The following TEX14 variants were observed in gnomAD, a reference collection of about 807,000 sequenced individuals.
The protein encoded by TEX14 is testis expressed 14, intercellular bridge forming factor.
TEX14 carries 168 observed loss-of-function variants against 178.6 expected under a neutral mutation model. The ratio of observed to expected loss-of-function variants is 0.94; its 90% CI spans 0.83 to 1.07. TEX14 has a LOEUF of 1.07. Ranked by LOEUF, TEX14 falls within the 50% of genes least tolerant of loss-of-function variation. The pLI is 0.00. For synonymous variants in TEX14, 626 were observed against 634.1 expected, an observed-to-expected ratio of 0.99 and a Z score of 0.19; for missense variants, 1,730 against 1,753.6, an observed-to-expected ratio of 0.99 and a Z score of 0.24.
chr17:58,640,644 T>TGTGTGTGTGTGTGTGA lies in TEX14; in HGVS notation c.137-10091_137-10090insTCACACACACACACAC, dbSNP rs1555577606. 5.4e-5 allele frequency among the ~76,000 whole-genome samples: 8 copies of TGTGTGTGTGTGTGTGA among 147,138 alleles called. 1 individual carries two copies. The highest frequency in any genetic ancestry group is 1.8e-4 in the African/African-American group (7 of 39,836). Reference sequence around the variant, plus strand: ...GTGTGTGTGTGTGTGTGTGTGTGTGTGAGAGAGAGAGAGAGAATGATAAAT... The same window carrying TGTGTGTGTGTGTGTGA: ...GTGTGTGTGTGTGTGTGTGTGTGTGTGTGTGTGTGTGTGTGAGAGAGAGAGAGAGAGAATGATAAAT... On this transcript the variant is annotated intron_variant, in intron 2 of 31. Transcript: ENST00000349033.
At chr17:58,597,270 GTGAC>G (rs2045309592) in intron 14 of TEX14, among the ~76,000 whole-genome samples, 1 of 151,856 alleles carries the variant, frequency 6.6e-6, no homozygotes, top group Non-Finnish European at 1.5e-5. Flanking sequence ...ATGGTGGCAC[GTGAC>G]TGTAGTCCCA....
chr17:58,557,965 G>A, intron 30 of TEX14, 115 bp from the exon 31 acceptor site: 1 of 706,306 alleles, frequency 1.4e-6, no homozygotes, highest in Non-Finnish European at 2.4e-6. Flanking sequence ...TACCTACAAT[G>A]GTTGTTATAT....
intron 18 of TEX14, among the ~76,000 whole-genome samples, 184 bp downstream of exon 18, chr17:58,585,617 T>G (rs1008752084): frequency 2.1e-5 from 3 of 143,314 alleles, no homozygotes; most frequent in East Asian, 2.0e-4. Flanking sequence ...AATGTTTTTT[T>G]TTTTTTTTTT....
At position 58,605,120 on chromosome 17, in the gene TEX14, T is replaced by C. The variant is rs539172361; in HGVS notation, c.1194A>G (p.Arg398=). ...CTCGAGTCAGGTCCCTCTGTACACC[T>C]CTGTCCTCGCTACGGAAGGAAACTC... is the stretch of plus-strand genomic sequence containing the variant. The part of the protein sequence containing the change: ...NLEYMLESED[R]GVQRDLTRVP... Residue 398 remains arginine (R), a synonymous_variant, in exon 11 of 32, where the codon AGA becomes AGG. Transcript: ENST00000349033. The C allele has an allele frequency of 1.7e-5, 28 of 1,613,902 alleles. No homozygotes were observed. Among genetic ancestry groups the C allele is most frequent in the Non-Finnish European group, 2.4e-5 (28 of 1,179,946 alleles).
chr17:58,599,974 T>C (rs1045186194), intron 13 of TEX14, among the ~76,000 whole-genome samples: 1 of 152,138 alleles, frequency 6.6e-6, no homozygotes, highest in Admixed American at 6.5e-5. Flanking sequence ...TGTCAGGACA[T>C]GCAAATTAGA....
chr17:58,649,085 TTTTTTTTCTTTGAGATG>T (rs1459074283), intron 2 of TEX14, among the ~76,000 whole-genome samples: 1 of 147,608 alleles, frequency 6.8e-6, no homozygotes, highest in Non-Finnish European at 1.5e-5. Flanking sequence ...CCTCTTTTTT[TTTTTTTTCTTTGAGATG>T]GAGTTTTGCT....
intron 17 of TEX14, among the ~76,000 whole-genome samples, chr17:58,587,244 G>A (rs1310124617): frequency 6.6e-6 from 1 of 152,112 alleles, no homozygotes; most frequent in Non-Finnish European, 1.5e-5. Context: ...TAAAGTCGTA[G>A]TTTGCTTAAA....
intron 1 of TEX14, chr17:58,679,690 T>G (rs964323142): frequency 2.0e-5 from 3 of 152,236 alleles, no homozygotes; most frequent in Non-Finnish European, 4.4e-5. Context: ...CAGTTAAGTA[T>G]GAGTCCCCAG....
chr17:58,626,563 CCA>C (rs2046147130), intron 3 of TEX14, among the ~76,000 whole-genome samples: 1 of 105,036 alleles, frequency 9.5e-6, no homozygotes, highest in Admixed American at 1.1e-4. Context: ...GGGTGAGACT[CCA>C]TCTCAAAAAA....
chr17:58,577,797 A>C (rs935883247), intron 20 of TEX14, among the ~76,000 whole-genome samples: 3 of 152,246 alleles, frequency 2.0e-5, no homozygotes, highest in African/African-American at 7.2e-5. Flanking sequence ...GTTCCTGTCA[A>C]CAGACGCCAG....
chr17:58,678,680 G>A (rs1219585324), intron 1 of TEX14, among the ~76,000 whole-genome samples: 1 of 151,942 alleles, frequency 6.6e-6, no homozygotes, highest in Non-Finnish European at 1.5e-5. Context: ...GTCATAGGAT[G>A]GGGGAAACGG....
At chr17:58,605,392 C>T (rs2045582734) in intron 10 of TEX14, among the ~76,000 whole-genome samples, 1 of 152,310 alleles carries the variant, frequency 6.6e-6, no homozygotes, top group East Asian at 1.9e-4. Context: ...CGAGGTTTTG[C>T]CATGTTGGCC....
intron 8 of TEX14, 61 bp downstream of exon 8, chr17:58,615,171 C>A: frequency 1.0e-6 from 1 of 964,842 alleles, no homozygotes; most frequent in Non-Finnish European, 1.7e-6. Context: ...AGCTGAATAG[C>A]CCAGAACCTG....
Position 58,557,850 on chromosome 17 carries a change from T to C in TEX14, c.4268A>G (p.Asp1423Gly). The C allele has an allele frequency of 6.2e-7, 1 of 1,611,590 alleles. No homozygotes were observed. The stretch of plus-strand genomic sequence containing the variant: ...CTTCCAAAAACAGGATTTTAGTTCA[T>C]CTTGATGAAATATAAGAGGAAGGAA... Reference protein sequence around the residue: ...SEGVLGTSEEDELKSCFWKRL... With the variant: ...SEGVLGTSEEGELKSCFWKRL... The change falls in exon 31 of 32, where the codon GAT (aspartate) becomes GGT (glycine). Residue 1423 changes from aspartate to glycine, a missense_variant and splice_region_variant. Coordinates refer to ENST00000349033, the MANE Select transcript of TEX14 (RefSeq NM_031272.5).
chr17:58,606,931 G>A (rs1310234737), intron 10 of TEX14, among the ~76,000 whole-genome samples: 1 of 150,264 alleles, frequency 6.7e-6, no homozygotes, highest in Non-Finnish European at 1.5e-5. Flanking sequence ...AGGAGGCTGA[G>A]GCAGAATTGC....
rs570598179 is a variant in TEX14, at chr17:58,560,698, CAT to C, written c.4157+820_4157+821del. 7.9e-5 allele frequency among the ~76,000 whole-genome samples: 12 copies of C among 152,320 alleles called. No individual in the cohort carries two copies. The East Asian group carries it at 2.3e-3, about 29-fold the overall frequency. On this transcript the variant is annotated intron_variant, in intron 29 of 31. Transcript: ENST00000349033. ...GCCTCTCAGCTCCTTCAGCTGTTCT[CAT>C]ATGACATGGTTTCCAGACCTCTGAC...
At chr17:58,612,652 T>C (rs558806683) in intron 9 of TEX14, among the ~76,000 whole-genome samples, 1 of 150,862 alleles carries the variant, frequency 6.6e-6, no homozygotes, top group East Asian at 2.0e-4. Flanking sequence ...TGAGAATCGT[T>C]TGAACCAGGG....
intron 14 of TEX14, among the ~76,000 whole-genome samples, chr17:58,597,074 G>A (rs987568560): frequency 2.6e-5 from 4 of 152,152 alleles, no homozygotes; most frequent in African/African-American, 9.7e-5. Flanking sequence ...AGAGGTGGCA[G>A]GGAGAGCTAT....
intron 2 of TEX14, among the ~76,000 whole-genome samples, chr17:58,642,053 T>C (rs1270918228): frequency 6.6e-6 from 1 of 152,192 alleles, no homozygotes; most frequent in East Asian, 1.9e-4. Context: ...ATTAAATACA[T>C]CATCTCTCAA....
Sources: gnomAD v4.1 joint callset for allele counts (sites outside exome capture counted in the v4.1 genomes callset) on GRCh38, gnomAD v4.1.1 for gene constraint, MANE v1.5 for transcripts, NCBI Gene and HGNC (gene_info 2026-07-23, HGNC 2026-07-21) for gene names.